The following ABCC6 variants were observed in gnomAD, a reference collection of about 807,000 sequenced individuals.
ABCC6 encodes ATP-binding cassette sub-family C member 6.
A neutral mutation model predicts 169.5 loss-of-function variants in ABCC6; 126 were observed. The observed-to-expected ratio is 0.74, with a 90% CI of 0.64 to 0.86. The LOEUF (loss-of-function observed/expected upper bound fraction) is 0.86, where lower values mean the gene tolerates loss of function less well. Ranked by LOEUF, ABCC6 falls within the 40% of genes least tolerant of loss-of-function variation. ABCC6 has a pLI of 0.00. For missense variants in ABCC6, 1,733 were observed against 1,927.2 expected, an observed-to-expected ratio of 0.90 and a Z score of 1.89; for synonymous variants, 752 against 814.7, an observed-to-expected ratio of 0.92 and a Z score of 1.31.
intron 15 of ABCC6, 59 bp from the exon 16 acceptor site, chr16:16,182,989 A>G: frequency 1.2e-6 from 2 of 1,613,788 alleles, no homozygotes; most frequent in South Asian, 1.1e-5. Flanking sequence ...CTCTGTGAGG[A>G]AGGATGAGCC....
chr16:16,183,659 G>A (rs1378720909), intron 15 of ABCC6, among the ~76,000 whole-genome samples: 3 of 152,162 alleles, frequency 2.0e-5, no homozygotes, highest in Non-Finnish European at 4.4e-5. Flanking sequence ...TCACCAGGGG[G>A]TGACTGCATC....
intron 27 of ABCC6, 31 bp downstream of exon 27, chr16:16,157,632 A>G (rs761870089): frequency 7.4e-6 from 12 of 1,613,904 alleles, no homozygotes; most frequent in Admixed American, 1.7e-5. Flanking sequence ...CCTAAACTCC[A>G]TGAAGAAGAC....
chr16:16,173,512 G>T, intron 20 of ABCC6, 108 bp from the exon 21 acceptor site: 3 of 1,325,176 alleles, frequency 2.3e-6, no homozygotes, highest in Non-Finnish European at 3.3e-6. Flanking sequence ...GGTACACTCT[G>T]TACTCTTTCA....
At chr16:16,161,613 G>A (rs1426205807) in intron 24 of ABCC6, 49 bp from the exon 25 acceptor site, 1 of 1,612,678 alleles carries the variant, frequency 6.2e-7, no homozygotes, top group East Asian at 2.2e-5. Context: ...CATCTGCAGG[G>A]AGATGCTTCT....
chr16:16,153,893 G>C (rs1471695631), intron 29 of ABCC6, among the ~76,000 whole-genome samples: 1 of 145,104 alleles, frequency 6.9e-6, no homozygotes, highest in Admixed American at 7.0e-5. Context: ...GACAGAGCCA[G>C]ACCCTGTCTC....
At chr16:16,155,091 G>C in intron 27 of ABCC6, 60 bp from the exon 28 acceptor site, 1 of 1,523,662 alleles carries the variant, frequency 6.6e-7, no homozygotes, top group South Asian at 1.2e-5. Flanking sequence ...CATTTATTGG[G>C]GAGATCTTTC....
At chr16:16,200,730 A>G (rs567911343) in intron 9 of ABCC6, among the ~76,000 whole-genome samples, 36 of 151,644 alleles carry the variant, frequency 2.4e-4, no homozygotes, top group South Asian at 6.3e-4. Context: ...CCTAGGTGAC[A>G]GCTCAGGTGT....
At chr16:16,162,782 C>T (rs1269308827) in intron 24 of ABCC6, among the ~76,000 whole-genome samples, 5 of 152,124 alleles carry the variant, frequency 3.3e-5, no homozygotes, top group African/African-American at 1.2e-4. Context: ...ACAGAAGCTT[C>T]TTCCTGTACC....
rs372120433 is a variant in ABCC6, at chr16:16,175,880, C to T, written c.2666+31G>A. On this transcript the variant is annotated intron_variant, in intron 20 of 30. Transcript: ENST00000205557. ...CAGCTACTTCAGCTTCAGCCTGTGC[C>T]CTTCTGAGTGTGGCACCATGGTGGA... is the stretch of plus-strand genomic sequence containing the variant. 290 of 1,613,368 alleles carry T rather than the reference C, an allele frequency of 1.8e-4. 1 individual carries two copies. The highest frequency in any genetic ancestry group is 2.4e-4 in the Non-Finnish European group (281 of 1,179,644).
rs1308197893 is a variant in ABCC6 at position 16,187,215 on chromosome 16, G to C, written c.1780-4C>G. 6.2e-7 allele frequency: 1 copy of C among 1,612,972 alleles called. No homozygotes were observed. ...GACGGTCAAAGGACACCCGGGCCTA[G>C]GAAAACCGAAGCCGCAGGTCACCCA... is the stretch of plus-strand genomic sequence containing the variant. On this transcript the variant is annotated splice_region_variant and splice_polypyrimidine_tract_variant and intron_variant, in intron 13 of 30. Transcript: ENST00000205557.
intron 22 of ABCC6, among the ~76,000 whole-genome samples, chr16:16,167,320 T>G (rs2046909514): frequency 6.6e-6 from 1 of 152,186 alleles, no homozygotes; most frequent in Non-Finnish European, 1.5e-5. Flanking sequence ...GGGGAGCAGC[T>G]AAGCTGGACA....
chr16:16,187,105 T>C lies in ABCC6; in HGVS notation c.1867+19A>G. ...TCCCCCATCCCTCCCACACCCCTCCTGCCAGACTCAGCACTCACCGCTTCC... is the reference window on the plus strand; with the variant it reads ...TCCCCCATCCCTCCCACACCCCTCCCGCCAGACTCAGCACTCACCGCTTCC... On this transcript the variant is annotated intron_variant, in intron 14 of 30. Coordinates refer to ENST00000205557, the MANE Select transcript of ABCC6 (RefSeq NM_001171.6). 2 of 1,381,904 alleles carry C rather than the reference T, an allele frequency of 1.4e-6. No homozygotes were observed. The highest frequency in any genetic ancestry group is 1.1e-5 in the South Asian group (1 of 87,040). The allele number at this position is 1,381,904 out of a possible 1,614,324, so 85.6% of individuals were successfully genotyped here.
intron 5 of ABCC6, among the ~76,000 whole-genome samples, chr16:16,213,429 A>G (rs964500377): frequency 6.6e-6 from 1 of 152,072 alleles, no homozygotes; most frequent in Admixed American, 6.6e-5. Flanking sequence ...ATGTCAGATC[A>G]GTCTCTTCCA....
At chr16:16,182,325 C>G in intron 17 of ABCC6, 87 bp downstream of exon 17, 1 of 1,526,216 alleles carries the variant, frequency 6.6e-7, no homozygotes, top group Non-Finnish European at 9.1e-7. Context: ...TCTCATTTCT[C>G]CATCATACTG....
Position 16,154,856 on chromosome 16 carries a change from CCCT to C in ABCC6, c.4041+14_4041+16del, listed in dbSNP as rs1408409341. Reference sequence around the variant, plus strand: ...ACCATGCCTCCCATCTTTGCCCACCCCCTCCACCAGCCTCACCTGGGGGATGAT... The same window carrying C: ...ACCATGCCTCCCATCTTTGCCCACCCCCACCAGCCTCACCTGGGGGATGAT... On this transcript the variant is annotated intron_variant, in intron 28 of 30. Coordinates refer to ENST00000205557, the MANE Select transcript of ABCC6 (RefSeq NM_001171.6). The C allele has an allele frequency of 4.3e-6, 7 of 1,611,544 alleles. No individual in the cohort carries two copies. The highest frequency in any genetic ancestry group is 5.9e-6 in the Non-Finnish European group (7 of 1,179,092).
chr16:16,205,297 A>G (rs189538769), intron 7 of ABCC6, among the ~76,000 whole-genome samples: 31 of 152,302 alleles, frequency 2.0e-4, no homozygotes, highest in Non-Finnish European at 3.7e-4. Flanking sequence ...AGGCTCTGAG[A>G]GATGGCGACA....
chr16:16,197,992 T>A (rs1460796718), intron 10 of ABCC6, 29 bp downstream of exon 10: 1 of 1,608,470 alleles, frequency 6.2e-7, no homozygotes, highest in South Asian at 1.1e-5. Flanking sequence ...GGGACTCCGT[T>A]CAAATCCCGT....
chr16:16,190,000 G>C (rs111483453), intron 12 of ABCC6, among the ~76,000 whole-genome samples, 164 bp downstream of exon 12: 1 of 152,144 alleles, frequency 6.6e-6, no homozygotes, highest in Non-Finnish European at 1.5e-5. Flanking sequence ...TGATTAATTA[G>C]TTCTTGTAGA....
chr16:16,169,764 C>A lies in ABCC6; in HGVS notation c.2877G>T (p.Val959=). ...YALFLFLCQQ[V]ASFCRGYWLS... is the part of the protein sequence containing the mutation. Reference sequence around the variant, plus strand: ...GCCAGTAGCCCCGGCAGAAGGAGGCCACTTGCTGGCAGAGGAAGAGGAAGA... The same window carrying A: ...GCCAGTAGCCCCGGCAGAAGGAGGCAACTTGCTGGCAGAGGAAGAGGAAGA... The change falls in exon 22 of 31, where the codon GTG becomes GTT. Residue 959 remains valine (V), a synonymous_variant. Transcript: ENST00000205557. 6.3e-7 allele frequency: 1 copy of A among 1,598,018 alleles called. No homozygotes were observed. The highest frequency in any genetic ancestry group is 2.3e-5 in the East Asian group (1 of 44,048).
Sources: gnomAD v4.1 joint callset for allele counts (sites outside exome capture counted in the v4.1 genomes callset) on GRCh38, gnomAD v4.1.1 for gene constraint, MANE v1.5 for transcripts, NCBI Gene and HGNC (gene_info 2026-07-23, HGNC 2026-07-21) for gene names.